Variants in ZNF654 observed in about 807,000 individuals in gnomAD.
The protein encoded by ZNF654 is zinc finger protein 654.
Under a neutral mutation model 95.3 loss-of-function variants are expected in ZNF654, and 19 were observed. The observed-to-expected ratio is 0.20, with a 90% confidence interval of 0.14 to 0.29. The LOEUF is 0.29. Among genes scored for constraint, ZNF654 ranks in the 10% least tolerant of loss-of-function variants. ZNF654 has a pLI of 1.00. For synonymous variants in ZNF654, 413 were observed against 457.9 expected, an observed-to-expected ratio of 0.90 and a Z score of 1.25; for missense variants, 1,046 against 1,341.0, an observed-to-expected ratio of 0.78 and a Z score of 3.44.
At chr3:88,094,404 T>G (rs1254552139) in intron 2 of ZNF654, among the ~76,000 whole-genome samples, 1 of 152,156 alleles carries the variant, frequency 6.6e-6, no homozygotes, top group East Asian at 1.9e-4. Context: ...AGCAAAGAGA[T>G]AGATTACTAA....
intron 3 of ZNF654, among the ~76,000 whole-genome samples, 170 bp from the exon 4 acceptor site, chr3:88,125,964 T>C (rs1314962711): frequency 6.6e-6 from 1 of 152,196 alleles, no homozygotes; most frequent in Non-Finnish European, 1.5e-5. Flanking sequence ...TTAAAGCCTA[T>C]TTGTGTTCAT....
At chr3:88,134,932 G>C in intron 6 of ZNF654, 129 bp from the exon 7 acceptor site, 1 of 525,678 alleles carries the variant, frequency 1.9e-6, no homozygotes, top group Non-Finnish European at 3.0e-6. Flanking sequence ...GTAGTTTGGG[G>C]GTGAACGTAA....
Position 88,126,159 on chromosome 3 carries a change from A to T in ZNF654, c.440A>T (p.Tyr147Phe). ...FQECQNHLRRYGNVNLELVTR... is the reference protein window; with the variant it reads ...FQECQNHLRRFGNVNLELVTR... ...GAATGCCAGAATCACCTCCGCAGAT[A>T]TGGAAATGTGAATCTGGAACTGGTG... The change falls in exon 4 of 9, where the codon TAT (tyrosine) becomes TTT (phenylalanine). Residue 147 changes from tyrosine to phenylalanine, a missense_variant. Transcript: ENST00000636215. 6.6e-7 allele frequency: 1 copy of T among 1,520,152 alleles called. No homozygotes were observed. Among genetic ancestry groups the T allele is most frequent in the South Asian group, 1.2e-5 (1 of 81,732 alleles). 94.2% of individuals were successfully genotyped at this position (1,520,152 alleles called of 1,614,324 possible).
intron 2 of ZNF654, among the ~76,000 whole-genome samples, chr3:88,103,621 G>A (rs1438419760): frequency 6.6e-6 from 1 of 152,112 alleles, no homozygotes; most frequent in Non-Finnish European, 1.5e-5. Context: ...TAGAACACAA[G>A]TAGGTGAAAG....
At chr3:88,096,741 A>T (rs1576266210) in intron 2 of ZNF654, among the ~76,000 whole-genome samples, 1 of 152,164 alleles carries the variant, frequency 6.6e-6, no homozygotes, top group Middle Eastern at 3.4e-3. Flanking sequence ...ATACATGTTC[A>T]TGGTTCAAAA....
chr3:88,125,586 G>T (rs1041505538), intron 3 of ZNF654, among the ~76,000 whole-genome samples: 3 of 151,982 alleles, frequency 2.0e-5, no homozygotes, highest in African/African-American at 7.3e-5. Flanking sequence ...TCCCAGAACT[G>T]CAAATCTAAT....
chr3:88,133,982 G>C (rs1356610918), intron 6 of ZNF654, among the ~76,000 whole-genome samples: 1 of 152,018 alleles, frequency 6.6e-6, no homozygotes, highest in East Asian at 1.9e-4. Flanking sequence ...TTCTGAGTGG[G>C]TTCAGGTGAT....
At chr3:88,071,124 C>T (rs1469902966) in intron 1 of ZNF654, among the ~76,000 whole-genome samples, 1 of 152,160 alleles carries the variant, frequency 6.6e-6, no homozygotes, top group Non-Finnish European at 1.5e-5. Context: ...TCAATTTTTG[C>T]TTTCCTTCCT....
chr3:88,134,336 TA>T (rs1019315067), intron 6 of ZNF654, among the ~76,000 whole-genome samples: 5 of 152,242 alleles, frequency 3.3e-5, no homozygotes, highest in African/African-American at 4.8e-5. Context: ...TTTCATTAAT[TA>T]TTTTAATACT....
At chr3:88,094,765 TA>T (rs914393055) in intron 2 of ZNF654, among the ~76,000 whole-genome samples, 4 of 152,242 alleles carry the variant, frequency 2.6e-5, no homozygotes, top group African/African-American at 9.6e-5. Context: ...GTCAGATCAT[TA>T]AAAAACTACA....
intron 1 of ZNF654, among the ~76,000 whole-genome samples, chr3:88,075,749 C>G (rs549181883): frequency 4.4e-4 from 67 of 152,194 alleles, no homozygotes; most frequent in African/African-American, 1.5e-3. Flanking sequence ...CCTCGCCTAT[C>G]TTCCTTTTTT....
At chr3:88,135,319 GC>G (rs1706709469) in intron 7 of ZNF654, 117 bp downstream of exon 7, 12 of 817,572 alleles carry the variant, frequency 1.5e-5, no homozygotes, top group Non-Finnish European at 1.9e-5. Context: ...GGATTTTAAG[GC>G]CACATTCTCC....
intron 3 of ZNF654, among the ~76,000 whole-genome samples, chr3:88,119,448 C>T (rs9838907): frequency 0.79 from 103,669 of 130,724 alleles, 42,110 homozygotes; most frequent in South Asian, 0.92. Context: ...TGCTAGATGA[C>T]GAGTTAGTGG....
chr3:88,126,409 G>T, intron 4 of ZNF654, 140 bp downstream of exon 4: 1 of 1,023,290 alleles, frequency 9.8e-7, no homozygotes, highest in Non-Finnish European at 1.3e-6. Context: ...CATGAAAAGT[G>T]TTTGTTTTTC....
intron 6 of ZNF654, among the ~76,000 whole-genome samples, chr3:88,130,938 A>C (rs1199095601): frequency 6.6e-6 from 1 of 152,150 alleles, no homozygotes; most frequent in Non-Finnish European, 1.5e-5. Flanking sequence ...TTTCAAATAG[A>C]GAAAGGGATT....
chr3:88,060,806 G>T (rs1260962299), intron 1 of ZNF654, among the ~76,000 whole-genome samples: 3 of 151,870 alleles, frequency 2.0e-5, no homozygotes, highest in Non-Finnish European at 4.4e-5. Context: ...TTCTTTCAAT[G>T]CTTGTAAGGG....
chr3:88,093,387 G>A (rs1240298282), intron 2 of ZNF654, among the ~76,000 whole-genome samples: 1 of 152,168 alleles, frequency 6.6e-6, no homozygotes, highest in Non-Finnish European at 1.5e-5. Context: ...GAAAGTAAAT[G>A]TTCATAGATT....
At chr3:88,099,530 G>A (rs926918630) in intron 2 of ZNF654, among the ~76,000 whole-genome samples, 3 of 145,708 alleles carry the variant, frequency 2.1e-5, no homozygotes, top group Non-Finnish European at 3.0e-5. Flanking sequence ...ACAATCCTAA[G>A]CCAAAGAACA....
chr3:88,119,680 A>G (rs1208502177), intron 3 of ZNF654, among the ~76,000 whole-genome samples: 1 of 152,110 alleles, frequency 6.6e-6, no homozygotes, highest in East Asian at 1.9e-4. Context: ...ATTTCTTTGT[A>G]TGCAAACCTG....
Sources: allele counts gnomAD v4.1 joint callset (sites outside exome capture counted in the v4.1 genomes callset), GRCh38; gene constraint gnomAD v4.1.1; transcripts MANE v1.5; gene names NCBI Gene and HGNC (gene_info 2026-07-23, HGNC 2026-07-21).